TBX20: variants seen among roughly 807,000 people sequenced by gnomAD.
The protein encoded by TBX20 is T-box transcription factor TBX20.
TBX20 carries 8 observed loss-of-function variants against 42.9 expected under a neutral mutation model. The ratio of observed to expected loss-of-function variants is 0.19; its 90% confidence interval spans 0.11 to 0.34. The LOEUF is 0.34. Ranked by LOEUF, TBX20 falls within the 10% of genes least tolerant of loss-of-function variation. The pLI, the probability that TBX20 is intolerant of heterozygous loss-of-function variation, is 1.00. For missense variants in TBX20, 411 were observed against 566.0 expected (o/e 0.73, Z 2.78); for synonymous variants, 198 against 222.8 (o/e 0.89, Z 0.99).
In TBX20 at chr7:35,211,440, T is replaced by C. The variant is rs531449535; in HGVS notation, c.891-6858A>G. Reference sequence around the variant, plus strand: ...TCCTGGTGGTGAATTCTTCGCCTTTTGTATGTCTGAAAAAGTCTTTATTTT... The same window carrying C: ...TCCTGGTGGTGAATTCTTCGCCTTTCGTATGTCTGAAAAAGTCTTTATTTT... On this transcript the variant is annotated intron_variant, in intron 6 of 7. Coordinates refer to ENST00000408931, the MANE Select transcript of TBX20 (RefSeq NM_001077653.2). Among the ~76,000 whole-genome samples, 8 of 152,304 alleles carry C rather than the reference T, an allele frequency of 5.3e-5. No homozygotes were observed. The East Asian group carries it at 1.5e-3, about 29-fold the overall frequency.
intron 5 of TBX20, among the ~76,000 whole-genome samples, chr7:35,232,762 C>A (rs1256569795): frequency 2.0e-5 from 3 of 152,186 alleles, no homozygotes; most frequent in Admixed American, 2.0e-4. Context: ...CTGTGGCTCA[C>A]GCCTGTAATC....
At chr7:35,220,033 T>A (rs989909819) in intron 6 of TBX20, among the ~76,000 whole-genome samples, 9 of 152,116 alleles carry the variant, frequency 5.9e-5, no homozygotes, top group Non-Finnish European at 8.8e-5. Flanking sequence ...CCTACTAATA[T>A]GAACAAGAAA....
intron 4 of TBX20, among the ~76,000 whole-genome samples, chr7:35,243,543 CAT>C (rs1171795549): frequency 1.3e-5 from 2 of 151,960 alleles, no homozygotes; most frequent in Non-Finnish European, 2.9e-5. Context: ...ATTCTAGAAT[CAT>C]AAAAGAATTC....
intron 1 of TBX20, among the ~76,000 whole-genome samples, chr7:35,251,955 T>C (rs764239372): frequency 2.6e-5 from 4 of 152,120 alleles, no homozygotes; most frequent in Non-Finnish European, 4.4e-5. Flanking sequence ...TACTAGTGCC[T>C]ATATGTGTGT....
chr7:35,243,479 G>C (rs983616669), intron 4 of TBX20, among the ~76,000 whole-genome samples: 3 of 152,050 alleles, frequency 2.0e-5, no homozygotes, highest in Non-Finnish European at 2.9e-5. Flanking sequence ...AAATGACTCT[G>C]AAGTCTTTTT....
In TBX20 at chr7:35,204,532, A is replaced by G; in HGVS notation, c.941T>C (p.Ile314Thr). 1 of 1,614,040 alleles carries G rather than the reference A, an allele frequency of 6.2e-7. No homozygotes were observed. The highest frequency in any genetic ancestry group is 1.1e-5 in the South Asian group (1 of 91,076). The change falls in exon 7 of 8, where the codon ATC becomes ACC. Residue 314 changes from isoleucine (I) to threonine (T), a missense_variant. By Grantham distance (89) the Ile-to-Thr change is moderately conservative. Transcript: ENST00000408931. Reference sequence around the variant, plus strand: ...ATCTTCTTCTCCTCCGTAGGTACGGATGGGTGAGCGTGCATAGGAATGCTT... The same window carrying G: ...ATCTTCTTCTCCTCCGTAGGTACGGGTGGGTGAGCGTGCATAGGAATGCTT... The part of the protein sequence containing the change: ...IQKHSYARSP[I>T]RTYGGEEDVL...
intron 6 of TBX20, among the ~76,000 whole-genome samples, chr7:35,223,815 C>A (rs1418023259): frequency 1.3e-5 from 2 of 152,074 alleles, no homozygotes; most frequent in African/African-American, 2.4e-5. Flanking sequence ...TTCTGAGGAA[C>A]TTTAAGAAGG....
intron 6 of TBX20, among the ~76,000 whole-genome samples, chr7:35,211,529 T>C (rs1789495788): frequency 6.6e-6 from 1 of 152,210 alleles, no homozygotes; most frequent in African/African-American, 2.4e-5. Context: ...ACTTGATTTC[T>C]CTTTCAGTAC....
At chr7:35,229,091 T>C (rs1369475127) in intron 6 of TBX20, among the ~76,000 whole-genome samples, 1 of 152,192 alleles carries the variant, frequency 6.6e-6, no homozygotes, top group African/African-American at 2.4e-5. Context: ...GCATTTTTGT[T>C]TGGGTGTCCC....
At chr7:35,239,608 C>T (rs1394345855) in intron 5 of TBX20, among the ~76,000 whole-genome samples, 1 of 152,242 alleles carries the variant, frequency 6.6e-6, no homozygotes, top group African/African-American at 2.4e-5. Context: ...GCCACAGCCC[C>T]TTAAGCTTAC....
At position 35,251,740 on chromosome 7, in the gene TBX20, G is replaced by A. The variant is rs75159363; in HGVS notation, c.128-1537C>T. Among the ~76,000 whole-genome samples, 322 of 152,168 alleles carry A rather than the reference G, an allele frequency of 2.1e-3. 1 individual carries two copies. The highest frequency in any genetic ancestry group is 7.5e-3 in the African/African-American group (312 of 41,506). ...TTGTATGTTTAAAAGGGCAATCCTG[G>A]GACACACTGGAATCCCCCTCCCCAC... On this transcript the variant is annotated intron_variant, in intron 1 of 7. Coordinates refer to ENST00000408931, the MANE Select transcript of TBX20 (RefSeq NM_001077653.2).
intron 3 of TBX20, among the ~76,000 whole-genome samples, chr7:35,247,471 C>A (rs575501316): frequency 1.7e-4 from 26 of 151,972 alleles, no homozygotes; most frequent in African/African-American, 6.0e-4. Flanking sequence ...TGGTCTCTTC[C>A]GAGAATGGAA....
At chr7:35,240,415 A>G (rs1403120477) in intron 5 of TBX20, among the ~76,000 whole-genome samples, 1 of 152,226 alleles carries the variant, frequency 6.6e-6, no homozygotes, top group African/African-American at 2.4e-5. Context: ...AAATCATTTT[A>G]CCAGAATTAT....
chr7:35,234,724 A>G (rs1789930162), intron 5 of TBX20, among the ~76,000 whole-genome samples: 1 of 151,970 alleles, frequency 6.6e-6, no homozygotes, highest in Admixed American at 6.6e-5. Flanking sequence ...AAGAATTCAA[A>G]ACAATTACAT....
At chr7:35,215,020 T>C (rs1789558969) in intron 6 of TBX20, among the ~76,000 whole-genome samples, 1 of 152,208 alleles carries the variant, frequency 6.6e-6, no homozygotes, top group African/African-American at 2.4e-5. Flanking sequence ...TAGTTACATC[T>C]CTAAAAAGCC....
intron 4 of TBX20, among the ~76,000 whole-genome samples, chr7:35,241,911 A>G (rs1394438874): frequency 6.6e-6 from 1 of 152,212 alleles, no homozygotes; most frequent in Non-Finnish European, 1.5e-5. Context: ...AAGGTTTCCC[A>G]CATCTTCCCT....
At chr7:35,211,364 T>C (rs953974705) in intron 6 of TBX20, among the ~76,000 whole-genome samples, 15 of 152,220 alleles carry the variant, frequency 9.9e-5, no homozygotes, top group African/African-American at 2.4e-4. Context: ...ACATCTGGTA[T>C]AATTTTCTTT....
At chr7:35,204,174 T>G (rs73691640) in intron 7 of TBX20, among the ~76,000 whole-genome samples, 2,218 of 152,218 alleles carry the variant, frequency 0.015, 42 homozygotes, top group African/African-American at 0.051. Flanking sequence ...AGCTCTTATG[T>G]ACTAAGTCAT....
At chr7:35,242,395 T>C (rs973718580) in intron 4 of TBX20, among the ~76,000 whole-genome samples, 2 of 152,164 alleles carry the variant, frequency 1.3e-5, no homozygotes, top group Admixed American at 1.3e-4. Flanking sequence ...ATATGATCTG[T>C]TTGCATAATA....
Sources: gnomAD v4.1 joint callset for allele counts (sites outside exome capture counted in the v4.1 genomes callset) on GRCh38, gnomAD v4.1.1 for gene constraint, MANE v1.5 for transcripts, NCBI Gene and HGNC (gene_info 2026-07-23, HGNC 2026-07-21) for gene names.